DYNC1LI1: variants seen among roughly 807,000 people sequenced by gnomAD.
The protein encoded by DYNC1LI1 is dynein cytoplasmic 1 light intermediate chain 1.
In DYNC1LI1, 19 loss-of-function variants were observed where a neutral mutation model predicts 63.8. The observed-to-expected ratio is 0.30, with a 90% CI of 0.21 to 0.44. The LOEUF (loss-of-function observed/expected upper bound fraction) is 0.44. Among genes scored for constraint, DYNC1LI1 ranks in the 20% least tolerant of loss-of-function variants. DYNC1LI1 has a pLI of 1.00. For synonymous variants in DYNC1LI1, 225 were observed against 232.3 expected (o/e 0.97, Z 0.28); for missense variants, 565 against 630.2 (o/e 0.90, Z 1.11).
At position 32,570,376 on chromosome 3, in the gene DYNC1LI1, G is replaced by A. The variant is rs1205300799; in HGVS notation, c.190C>T (p.Leu64Phe). 3.1e-6 allele frequency: 5 copies of A among 1,605,642 alleles called. No individual in the cohort carries two copies. Among genetic ancestry groups the A allele is most frequent in the Non-Finnish European group, 3.4e-6 (4 of 1,176,922 alleles). Reference protein sequence around the residue: ...SEVSTRSRSKLPAGKNVLLLG... With the variant: ...SEVSTRSRSKFPAGKNVLLLG... ...AGTAGCACGTTCTTCCCCGCAGGGA[G>A]CTTGGAGCGCGAGCGGGTGGAGACC... Residue 64 changes from leucine (L) to phenylalanine (F), a missense_variant, in exon 2 of 13, where the codon CTC (leucine) becomes TTC (phenylalanine). Coordinates refer to ENST00000273130, the MANE Select transcript of DYNC1LI1 (RefSeq NM_016141.4).
At chr3:32,564,400 G>A (rs930283489) in intron 2 of DYNC1LI1, among the ~76,000 whole-genome samples, 2 of 152,146 alleles carry the variant, frequency 1.3e-5, no homozygotes, top group African/African-American at 4.8e-5. Context: ...CTTGCTGCCT[G>A]TTTTTATAAA....
chr3:32,544,654 G>C (rs1164302582), intron 4 of DYNC1LI1, among the ~76,000 whole-genome samples: 1 of 151,182 alleles, frequency 6.6e-6, no homozygotes, highest in Non-Finnish European at 1.5e-5. Context: ...CGTAATACCA[G>C]CTACTTGAAC....
intron 4 of DYNC1LI1, among the ~76,000 whole-genome samples, chr3:32,541,869 C>T (rs1170571673): frequency 6.6e-6 from 1 of 152,122 alleles, no homozygotes; most frequent in Non-Finnish European, 1.5e-5. Context: ...CAGTGATGCA[C>T]ATACATAGGG....
At chr3:32,545,729 C>T (rs548069605) in intron 3 of DYNC1LI1, 120 bp downstream of exon 3, 16 of 748,332 alleles carry the variant, frequency 2.1e-5, no homozygotes, top group Non-Finnish European at 3.5e-5. Context: ...ATTTCTTGAC[C>T]AGCATGACAT....
At chr3:32,547,813 T>C (rs749214437) in intron 2 of DYNC1LI1, among the ~76,000 whole-genome samples, 6 of 152,194 alleles carry the variant, frequency 3.9e-5, no homozygotes, top group African/African-American at 9.6e-5. Context: ...CCCATGTTCA[T>C]TGCGGCATTA....
chr3:32,557,415 G>A (rs1698129077), intron 2 of DYNC1LI1, among the ~76,000 whole-genome samples: 1 of 151,890 alleles, frequency 6.6e-6, no homozygotes, highest in African/African-American at 2.4e-5. Flanking sequence ...CCAGCTACTC[G>A]AGAGGCTGAG....
rs563675596 is a variant in DYNC1LI1 at position 32,533,946 on chromosome 3, G to A, written c.968+565C>T. Among the ~76,000 whole-genome samples the A allele has an allele frequency of 1.4e-4, 21 of 146,620 alleles. No homozygotes were observed. In the South Asian group the frequency reaches 1.9e-3, roughly 13 times the overall value. ...AGCTGGAGTGAAGTGGTGCGATTTC[G>A]GTTCACTGCAACTTCTGCCTCCCAG... On this transcript the variant is annotated intron_variant, in intron 7 of 12. Transcript: ENST00000273130.
In DYNC1LI1 at chr3:32,534,560, A is replaced by G; in HGVS notation, c.919T>C (p.Phe307Leu). Reference sequence around the variant, plus strand: ...ACAACAGCAGGAATCTTATAGGGAAATCCATATAGTTTCTGAACGATGTAT... The same window carrying G: ...ACAACAGCAGGAATCTTATAGGGAAGTCCATATAGTTTCTGAACGATGTAT... ...YKYIVQKLYGFPYKIPAVVVE... is the reference protein window; with the variant it reads ...YKYIVQKLYGLPYKIPAVVVE... The change falls in exon 7 of 13, where the codon TTT becomes CTT. Residue 307 changes from phenylalanine (F) to leucine (L), a missense_variant. Phe to Leu is a conservative substitution (Grantham distance 22). Coordinates refer to ENST00000273130, the MANE Select transcript of DYNC1LI1 (RefSeq NM_016141.4). 6.3e-7 allele frequency: 1 copy of G among 1,597,878 alleles called. No individual in the cohort carries two copies. Among genetic ancestry groups the G allele is most frequent in the South Asian group, 1.1e-5 (1 of 89,508 alleles).
At chr3:32,556,841 C>T (rs115741333) in intron 2 of DYNC1LI1, among the ~76,000 whole-genome samples, 334 of 152,314 alleles carry the variant, frequency 2.2e-3, no homozygotes, top group Non-Finnish European at 3.6e-3. Flanking sequence ...GCCCAAACTT[C>T]GCTATTTCTT....
Position 32,529,587 on chromosome 3 carries a change from A to G in DYNC1LI1, c.1259T>C (p.Val420Ala), listed in dbSNP as rs1697668010. 1 of 1,609,762 alleles carries G rather than the reference A, an allele frequency of 6.2e-7. No homozygotes were observed. The highest frequency in any genetic ancestry group is 1.3e-5 in the African/African-American group (1 of 74,872). Residue 420 changes from valine (V) to alanine (A), a missense_variant, in exon 11 of 13, where the codon GTG becomes GCG. Transcript: ENST00000273130. ...TTTTGACCCAGCAGGAATGGGTGAC[A>G]CGCTGGCAACATTAGATGATACAGA... ...NRSVSSNVAS[V>A]SPIPAGSKKI...
chr3:32,548,991 T>C (rs1373063270), intron 2 of DYNC1LI1, among the ~76,000 whole-genome samples: 1 of 152,100 alleles, frequency 6.6e-6, no homozygotes, highest in Non-Finnish European at 1.5e-5. Flanking sequence ...ATGATGACAA[T>C]GATTCCCATA....
At chr3:32,554,906 G>A (rs192840134) in intron 2 of DYNC1LI1, among the ~76,000 whole-genome samples, 171 of 91,484 alleles carry the variant, frequency 1.9e-3, no homozygotes, top group African/African-American at 7.2e-3. Flanking sequence ...CTCTCACTTT[G>A]TCACCCAGGA....
chr3:32,529,421 A>G, intron 11 of DYNC1LI1, 119 bp downstream of exon 11: 1 of 917,286 alleles, frequency 1.1e-6, no homozygotes. Flanking sequence ...ATCCATAGAG[A>G]CAAAGCCTAA....
intron 2 of DYNC1LI1, among the ~76,000 whole-genome samples, chr3:32,555,716 C>A (rs1387891740): frequency 6.6e-6 from 1 of 152,156 alleles, no homozygotes; most frequent in East Asian, 1.9e-4. Context: ...TCTCTTAAGA[C>A]CCTTCATCAG....
In DYNC1LI1 at chr3:32,570,833, G is replaced by T; in HGVS notation, c.-63C>A. ...TGTGCGAGGCGGCTGAGGCGGTGGC[G>T]GTGGAGGCGGCGGGAACCCGGATAT... On this transcript the variant is annotated 5_prime_UTR_variant, in exon 1 of 13. Transcript: ENST00000273130. 1 of 1,545,122 alleles carries T rather than the reference G, an allele frequency of 6.5e-7. No homozygotes were observed. The highest frequency in any genetic ancestry group is 8.7e-7 in the Non-Finnish European group (1 of 1,144,004).
chr3:32,537,656 C>T (rs1697792673), intron 5 of DYNC1LI1, among the ~76,000 whole-genome samples: 1 of 150,576 alleles, frequency 6.6e-6, no homozygotes, highest in Non-Finnish European at 1.5e-5. Flanking sequence ...TTTGAAATGT[C>T]GCCTGTACAA....
At chr3:32,555,070 A>T (rs1698094598) in intron 2 of DYNC1LI1, among the ~76,000 whole-genome samples, 1 of 152,000 alleles carries the variant, frequency 6.6e-6, no homozygotes, top group Non-Finnish European at 1.5e-5. Context: ...GGGTTTCACC[A>T]TGTTGCCCAG....
chr3:32,553,488 A>G (rs185755297), intron 2 of DYNC1LI1, among the ~76,000 whole-genome samples: 292 of 152,356 alleles, frequency 1.9e-3, no homozygotes, highest in Non-Finnish European at 3.1e-3. Context: ...ACTATATTGT[A>G]TATTAATGAG....
chr3:32,540,463 T>C (rs1697865069), intron 5 of DYNC1LI1, among the ~76,000 whole-genome samples: 2 of 151,808 alleles, frequency 1.3e-5, no homozygotes, highest in Admixed American at 6.6e-5. Flanking sequence ...GTGGGTCACC[T>C]GAGGTCAAGA....
Sources: allele counts gnomAD v4.1 joint callset (sites outside exome capture counted in the v4.1 genomes callset), GRCh38; gene constraint gnomAD v4.1.1; transcripts MANE v1.5; gene names NCBI Gene and HGNC (gene_info 2026-07-23, HGNC 2026-07-21).